The following TMEM41B variants were observed in gnomAD, a reference collection of about 807,000 sequenced individuals.
TMEM41B encodes transmembrane protein 41B.
A neutral mutation model predicts 31.9 loss-of-function variants in TMEM41B; 18 were observed. The ratio of observed to expected loss-of-function variants is 0.56; its 90% confidence interval spans 0.39 to 0.84. TMEM41B has a LOEUF of 0.84. Among genes scored for constraint, TMEM41B ranks in the 40% least tolerant of loss-of-function variants. The pLI, the probability that TMEM41B is intolerant of heterozygous loss-of-function variation, is 0.00. For missense variants in TMEM41B, 322 were observed against 348.0 expected (o/e 0.93, Z 0.59); for synonymous variants, 144 against 124.3 (o/e 1.16, Z -1.05).
rs552148233 is a variant in TMEM41B, at chr11:9,288,108, A to C, written c.463-302T>G. On this transcript the variant is annotated intron_variant, in intron 4 of 6. Transcript: ENST00000528080. ...CCAATTTCCACCTCCCCCCGACCCTACCCCCGACCCCCCCAGTTCCTAAGC... is the reference window on the plus strand; with the variant it reads ...CCAATTTCCACCTCCCCCCGACCCTCCCCCCGACCCCCCCAGTTCCTAAGC... The C allele has an allele frequency of 8.8e-4, 272 of 307,640 alleles. 4 individuals carry two copies. The South Asian group carries it at 9.3e-3, about 11-fold the overall frequency. The allele number at this position is 307,640 out of a possible 1,614,324, so 19.1% of individuals were successfully genotyped here. A position where few individuals can be genotyped will look rare whatever the true frequency, so the allele number is the denominator to read the frequency against.
chr11:9,282,877 T>G lies in TMEM41B; in HGVS notation c.*547A>C, dbSNP rs1852751214. Reference sequence around the variant, plus strand: ...TGAACCCAGGAGGTGGAGCTTGCAGTGAGTGGAGATCGCGCCACTGCACTC... The same window carrying G: ...TGAACCCAGGAGGTGGAGCTTGCAGGGAGTGGAGATCGCGCCACTGCACTC... On this transcript the variant is annotated 3_prime_UTR_variant, in exon 7 of 7. Transcript: ENST00000528080. 1.4e-5 allele frequency: 2 copies of G among 139,656 alleles called. No individual in the cohort carries two copies. The highest frequency in any genetic ancestry group is 2.7e-5 in the African/African-American group (1 of 36,844). 8.7% of individuals were successfully genotyped at this position (139,656 alleles called of 1,614,324 possible).
chr11:9,308,470 T>C (rs1186574577), intron 1 of TMEM41B, among the ~76,000 whole-genome samples: 1 of 152,192 alleles, frequency 6.6e-6, no homozygotes, highest in Non-Finnish European at 1.5e-5. Flanking sequence ...TGTTGGACTC[T>C]TCATTCTCTT....
chr11:9,302,170 C>T (rs931436135), intron 1 of TMEM41B, among the ~76,000 whole-genome samples: 1 of 69,744 alleles, frequency 1.4e-5, no homozygotes, highest in Middle Eastern at 6.0e-3. Context: ...CGATGCCCGG[C>T]TAATTTTTTT....
chr11:9,286,782 C>A (rs945473267), intron 5 of TMEM41B, among the ~76,000 whole-genome samples, 189 bp from the exon 6 acceptor site: 2 of 151,858 alleles, frequency 1.3e-5, no homozygotes, highest in Non-Finnish European at 2.9e-5. Context: ...GGCGGATCAC[C>A]TGAGGTCAGG....
Position 9,282,601 on chromosome 11 carries a change from C to CA in TMEM41B, c.*822_*823insT, listed in dbSNP as rs1852742207. On this transcript the variant is annotated 3_prime_UTR_variant, in exon 7 of 7. Transcript: ENST00000528080. ...TATCCTTTCCATATTCAGTCGTCTA[C>CA]TAACATGCCATCTCCAAACAAATCC... 6.6e-6 allele frequency: 1 copy of CA among 152,102 alleles called. No homozygotes were observed. Among genetic ancestry groups the CA allele is most frequent in the African/African-American group, 2.4e-5 (1 of 41,420 alleles). 9.4% of individuals were successfully genotyped at this position (152,102 alleles called of 1,614,324 possible). A position where few individuals can be genotyped will look rare whatever the true frequency, so the allele number is the denominator to read the frequency against.
At chr11:9,309,103 T>C (rs1350573524) in intron 1 of TMEM41B, among the ~76,000 whole-genome samples, 1 of 152,122 alleles carries the variant, frequency 6.6e-6, no homozygotes, top group East Asian at 1.9e-4. Flanking sequence ...CAAAATTAGC[T>C]GGGCGTGGTG....
chr11:9,310,302 G>A (rs1406108439), intron 1 of TMEM41B, among the ~76,000 whole-genome samples: 2 of 151,936 alleles, frequency 1.3e-5, no homozygotes, highest in African/African-American at 4.8e-5. Flanking sequence ...CCAAAGTGCT[G>A]GGATTACAGG....
Position 9,288,378 on chromosome 11 carries a change from A to G in TMEM41B, c.462+64T>C, listed in dbSNP as rs1188518098. ...TTACATAGACTAGTAGGGTTAAAGT[A>G]TCATCATCATCCTCATCATTCTATT... On this transcript the variant is annotated intron_variant, in intron 4 of 6. Coordinates refer to ENST00000528080, the MANE Select transcript of TMEM41B (RefSeq NM_015012.4). 3.5e-6 allele frequency: 4 copies of G among 1,155,920 alleles called. No individual in the cohort carries two copies. In the East Asian group the frequency reaches 7.2e-5, roughly 21 times the overall value. 71.6% of individuals were successfully genotyped at this position (1,155,920 alleles called of 1,614,324 possible).
At position 9,289,692 on chromosome 11, in the gene TMEM41B, A is replaced by G. The variant is rs555228796; in HGVS notation, c.369-1157T>C. Among the ~76,000 whole-genome samples the G allele has an allele frequency of 4.6e-5, 7 of 152,316 alleles. No homozygotes were observed. The East Asian group carries it at 5.8e-4, about 13-fold the overall frequency. Reference sequence around the variant, plus strand: ...CTGTGACCTGCTTTACTATTCCACTATGCTATTGAAACTTCCTCACAGCCA... The same window carrying G: ...CTGTGACCTGCTTTACTATTCCACTGTGCTATTGAAACTTCCTCACAGCCA... On this transcript the variant is annotated intron_variant, in intron 3 of 6. Transcript: ENST00000528080.
chr11:9,283,470 A>G lies in TMEM41B; in HGVS notation c.830T>C (p.Ile277Thr). ...TTTTTTTTGGAAGATGGCTGGCAGA[A>G]TAGAAAGAACAGCCAAGATCATCAG... ...FILMILAVLS[I>T]LPAIFQKKLK... The change falls in exon 7 of 7, where the codon ATT becomes ACT. Residue 277 changes from isoleucine (I) to threonine (T), a missense_variant. Physicochemically the swap from Ile to Thr is moderately conservative, Grantham distance 89 (BLOSUM62 -1). Around this residue, in one of 3 missense-constraint regions of TMEM41B, gnomAD observed 92 missense variants for 88.0 expected, o/e 1.05. Coordinates refer to ENST00000528080, the MANE Select transcript of TMEM41B (RefSeq NM_015012.4). The G allele has an allele frequency of 6.2e-7, 1 of 1,607,440 alleles. No homozygotes were observed. The highest frequency in any genetic ancestry group is 8.5e-7 in the Non-Finnish European group (1 of 1,178,538).
Position 9,314,417 on chromosome 11 carries a change from G to T in TMEM41B, c.25C>A (p.Arg9=), listed in dbSNP as rs1419788691. 2.6e-6 allele frequency: 4 copies of T among 1,562,866 alleles called. No homozygotes were observed. In the African/African-American group the frequency reaches 4.1e-5, roughly 16 times the overall value. The change falls in exon 1 of 7, where the codon CGA becomes AGA. Residue 9 remains arginine (R), a synonymous_variant. Coordinates refer to ENST00000528080, the MANE Select transcript of TMEM41B (RefSeq NM_015012.4). MAKGRVAE[R]SQLGAHHTTP... The stretch of plus-strand genomic sequence containing the variant: ...GTGTGGTGAGCGCCCAACTGCGATC[G>T]TTCGGCGACTCTGCCTTTCGCCATG...
At chr11:9,290,942 C>A (rs903188537) in intron 3 of TMEM41B, among the ~76,000 whole-genome samples, 3 of 151,974 alleles carry the variant, frequency 2.0e-5, no homozygotes, top group Non-Finnish European at 4.4e-5. Context: ...ACGATGAAAC[C>A]CTGTCTTTAA....
intron 1 of TMEM41B, among the ~76,000 whole-genome samples, chr11:9,304,231 C>G (rs1469514049): frequency 6.6e-6 from 1 of 152,142 alleles, no homozygotes; most frequent in African/African-American, 2.4e-5. Flanking sequence ...GTAGGTCAAA[C>G]ATGAAAAGGT....
At chr11:9,309,685 G>T (rs1051681063) in intron 1 of TMEM41B, among the ~76,000 whole-genome samples, 2 of 151,638 alleles carry the variant, frequency 1.3e-5, no homozygotes, top group Admixed American at 6.6e-5. Context: ...CACTTTGGGA[G>T]GCTGAGGCAG....
At chr11:9,300,859 C>A (rs531933250) in intron 1 of TMEM41B, among the ~76,000 whole-genome samples, 146 of 146,362 alleles carry the variant, frequency 1.0e-3, no homozygotes, top group African/African-American at 3.5e-3. Flanking sequence ...GCCTGGGCGA[C>A]AAAGCAAGAT....
In TMEM41B at chr11:9,314,425, A is replaced by G; in HGVS notation, c.17T>C (p.Val6Ala). The change falls in exon 1 of 7, where the codon GTC becomes GCC. Residue 6 changes from valine (V) to alanine (A), a missense_variant. Val to Ala is a moderately conservative substitution (Grantham distance 64). Coordinates refer to ENST00000528080, the MANE Select transcript of TMEM41B (RefSeq NM_015012.4). MAKGR[V>A]AERSQLGAHH... Reference sequence around the variant, plus strand: ...AGCGCCCAACTGCGATCGTTCGGCGACTCTGCCTTTCGCCATGGCTGCTGC... The same window carrying G: ...AGCGCCCAACTGCGATCGTTCGGCGGCTCTGCCTTTCGCCATGGCTGCTGC... 6.4e-7 allele frequency: 1 copy of G among 1,559,824 alleles called. No homozygotes were observed. Among genetic ancestry groups the G allele is most frequent in the Non-Finnish European group, 8.7e-7 (1 of 1,151,556 alleles).
chr11:9,313,399 G>T (rs2133659230), intron 1 of TMEM41B, among the ~76,000 whole-genome samples: 1 of 152,304 alleles, frequency 6.6e-6, no homozygotes, highest in South Asian at 2.1e-4. Flanking sequence ...ACACCTATGT[G>T]AGCTACAGAC....
At chr11:9,285,973 G>A (rs1852828063) in intron 6 of TMEM41B, among the ~76,000 whole-genome samples, 1 of 152,044 alleles carries the variant, frequency 6.6e-6, no homozygotes, top group African/African-American at 2.4e-5. Flanking sequence ...AAATTAGCCA[G>A]ACGTGGTGGC....
intron 1 of TMEM41B, among the ~76,000 whole-genome samples, chr11:9,306,063 C>A (rs1193700062): frequency 1.3e-5 from 2 of 148,348 alleles, no homozygotes; most frequent in African/African-American, 2.5e-5. Context: ...ACTGCAACCT[C>A]CACCTCCTGG....
Sources: allele counts gnomAD v4.1 joint callset (sites outside exome capture counted in the v4.1 genomes callset), GRCh38; gene constraint gnomAD v4.1.1; regional missense constraint gnomAD v4.1.1; transcripts MANE v1.5; gene names NCBI Gene and HGNC (gene_info 2026-07-23, HGNC 2026-07-21).